NEDD4: variants seen among roughly 807,000 people sequenced by gnomAD.
NEDD4 encodes E3 ubiquitin-protein ligase NEDD4.
A neutral mutation model predicts 144.9 loss-of-function variants in NEDD4; 99 were observed. The observed-to-expected ratio is 0.68, with a 90% confidence interval of 0.58 to 0.81. The LOEUF is 0.81. Among genes scored for constraint, NEDD4 ranks in the 30% least tolerant of loss-of-function variants. The pLI, the probability that NEDD4 is intolerant of heterozygous loss-of-function variation, is 0.00. For missense variants in NEDD4, 985 were observed against 1,065.9 expected (o/e 0.92, Z 1.06); for synonymous variants, 318 against 350.6 (o/e 0.91, Z 1.04).
chr15:55,928,641 T>C (rs2142244210), intron 4 of NEDD4, among the ~76,000 whole-genome samples: 1 of 152,346 alleles, frequency 6.6e-6, no homozygotes, highest in East Asian at 1.9e-4. Context: ...CCACTCTACA[T>C]GTCTACACTG....
rs1349452019 is a variant in NEDD4 at position 55,903,843 on chromosome 15, C to CAT, written c.291+20802_291+20803insAT. 1.5e-4 allele frequency among the ~76,000 whole-genome samples: 7 copies of CAT among 48,244 alleles called. No homozygotes were observed. The East Asian group carries it at 9.9e-3, about 69-fold the overall frequency. 31.6% of individuals were successfully genotyped at this position (48,244 alleles called of 152,430 possible). A position where few individuals can be genotyped will look rare whatever the true frequency, so the allele number is the denominator to read the frequency against. On this transcript the variant is annotated intron_variant, in intron 5 of 28. Transcript: ENST00000435532. ...CCATCTCAAAAAAAAAAAAAAAACA[C>CAT]ACATATATATATATATATATATATA...
chr15:55,923,979 T>C (rs1162664734), intron 5 of NEDD4, among the ~76,000 whole-genome samples: 1 of 152,132 alleles, frequency 6.6e-6, no homozygotes, highest in African/African-American at 2.4e-5. Flanking sequence ...AAAATATAGA[T>C]GTAAGATGCT....
At chr15:55,844,284 G>T (rs1214568499) in intron 18 of NEDD4, among the ~76,000 whole-genome samples, 1 of 152,172 alleles carries the variant, frequency 6.6e-6, no homozygotes, top group Non-Finnish European at 1.5e-5. Context: ...GTTAAGAAGA[G>T]AGTTTCTGGG....
chr15:55,902,797 CA>C (rs2035952889), intron 5 of NEDD4, among the ~76,000 whole-genome samples: 1 of 151,734 alleles, frequency 6.6e-6, no homozygotes, highest in South Asian at 2.1e-4. Context: ...CAGAAAAAAA[CA>C]AAGTAATTAT....
At chr15:55,980,273 G>A (rs1428708799) in intron 1 of NEDD4, among the ~76,000 whole-genome samples, 2 of 152,146 alleles carry the variant, frequency 1.3e-5, no homozygotes, top group African/African-American at 4.8e-5. Context: ...GAAACAAACA[G>A]AATACTTGGC....
intron 21 of NEDD4, 65 bp from the exon 22 acceptor site, chr15:55,838,669 G>T (rs917823719): frequency 3.5e-5 from 36 of 1,021,394 alleles, no homozygotes; most frequent in Non-Finnish European, 4.8e-5. Flanking sequence ...GCAAAAAACA[G>T]TATGTAGAGG....
chr15:55,881,536 C>A (rs2035192763), intron 5 of NEDD4, among the ~76,000 whole-genome samples: 1 of 151,714 alleles, frequency 6.6e-6, no homozygotes, highest in Non-Finnish European at 1.5e-5. Context: ...TAAAATATAA[C>A]AAAAAATAGT....
chr15:55,921,544 C>T (rs928679380), intron 5 of NEDD4, among the ~76,000 whole-genome samples: 3 of 152,100 alleles, frequency 2.0e-5, no homozygotes, highest in Admixed American at 6.5e-5. Flanking sequence ...AGGCTGGTGT[C>T]GAACTCCTGA....
At chr15:55,985,271 G>C (rs60623025) in intron 1 of NEDD4, among the ~76,000 whole-genome samples, 247 of 152,350 alleles carry the variant, frequency 1.6e-3, no homozygotes, top group African/African-American at 5.6e-3. Context: ...GTCAATCACA[G>C]GCCACTACAG....
At position 55,851,880 on chromosome 15, in the gene NEDD4, T is replaced by C. The variant is rs181449253; in HGVS notation, c.1146+544A>G. Among the ~76,000 whole-genome samples the C allele has an allele frequency of 5.9e-5, 9 of 152,326 alleles. No homozygotes were observed. In the East Asian group the frequency reaches 1.7e-3, roughly 29 times the overall value. On this transcript the variant is annotated intron_variant, in intron 13 of 28. Transcript: ENST00000435532. The stretch of plus-strand genomic sequence containing the variant: ...CAAAAATACCCAAAGACGAGATCAT[T>C]TGCTTTTTCCTCTTATTCTCATTTG...
intron 1 of NEDD4, among the ~76,000 whole-genome samples, chr15:55,979,339 C>CTTTTTTTT (rs71110358): frequency 1.5e-5 from 1 of 66,048 alleles, no homozygotes; most frequent in African/African-American, 6.2e-5. Flanking sequence ...GTTTTTACCT[C>CTTTTTTTT]TTTTTTTTTT....
chr15:55,947,801 T>G (rs1174754945), intron 4 of NEDD4, among the ~76,000 whole-genome samples: 2 of 152,316 alleles, frequency 1.3e-5, no homozygotes, highest in African/African-American at 4.8e-5. Context: ...GGGACGTATC[T>G]CAAAATAATA....
intron 11 of NEDD4, 121 bp downstream of exon 11, chr15:55,860,286 T>C: frequency 1.1e-6 from 1 of 951,656 alleles, no homozygotes; most frequent in Non-Finnish European, 1.6e-6. Context: ...CCAAGGTCCC[T>C]AATGTATTAT....
intron 4 of NEDD4, among the ~76,000 whole-genome samples, chr15:55,939,070 C>T (rs547530722): frequency 1.8e-4 from 27 of 152,210 alleles, no homozygotes; most frequent in African/African-American, 4.8e-4. Flanking sequence ...TGTGCCACTG[C>T]GCTCCAACCT....
chr15:55,852,582 T>C lies in NEDD4; in HGVS notation c.1027-39A>G, dbSNP rs761581913. The C allele has an allele frequency of 4.4e-6, 7 of 1,599,174 alleles. No homozygotes were observed. In the East Asian group the frequency reaches 1.3e-4, roughly 31 times the overall value. On this transcript the variant is annotated intron_variant, in intron 12 of 28. Transcript: ENST00000435532. ...TAACAGAAGAATTAAATACATCAAG[T>C]TTAAGAATCCTTCTATCACCCCCAA...
chr15:55,874,083 A>T, intron 5 of NEDD4, 75 bp from the exon 6 acceptor site: 1 of 790,584 alleles, frequency 1.3e-6, no homozygotes, highest in Non-Finnish European at 2.1e-6. Context: ...AGATAGTGCC[A>T]CCATTCACAG....
At chr15:55,976,652 C>T (rs545537188) in intron 1 of NEDD4, among the ~76,000 whole-genome samples, 18 of 132,294 alleles carry the variant, frequency 1.4e-4, no homozygotes, top group East Asian at 6.6e-4. Context: ...TTTTTTGAGA[C>T]GGAGGCTCGC....
intron 5 of NEDD4, chr15:55,915,450 C>T: frequency 6.2e-7 from 1 of 1,613,786 alleles, no homozygotes; most frequent in Non-Finnish European, 8.5e-7. Flanking sequence ...TGGATAAGCT[C>T]CTCCCAATGA....
chr15:55,961,553 C>T (rs960477549), intron 2 of NEDD4, among the ~76,000 whole-genome samples: 15 of 152,086 alleles, frequency 9.9e-5, no homozygotes, highest in Non-Finnish European at 1.9e-4. Flanking sequence ...TCACTGCAAC[C>T]TCCGCCTCCC....
Sources: allele counts gnomAD v4.1 joint callset (sites outside exome capture counted in the v4.1 genomes callset), GRCh38; gene constraint gnomAD v4.1.1; transcripts MANE v1.5; gene names NCBI Gene and HGNC (gene_info 2026-07-23, HGNC 2026-07-21).